Variants in GRID2 observed in about 807,000 individuals in gnomAD.
GRID2 encodes the protein glutamate receptor ionotropic, delta-2.
Under a neutral mutation model 114.8 loss-of-function variants are expected in GRID2, and 33 were observed. The observed-to-expected ratio is 0.29, with a 90% CI of 0.22 to 0.38. The LOEUF is 0.38. Among genes scored for constraint, GRID2 ranks in the 10% least tolerant of loss-of-function variants. The probability of loss-of-function intolerance (pLI) is 1.00; values close to 1 mark genes in which losing one functional copy is unlikely to be tolerated. For missense variants in GRID2, 1,184 were observed against 1,257.7 expected (o/e 0.94, Z 0.89); for synonymous variants, 505 against 449.9 (o/e 1.12, Z -1.55).
chr4:92,580,314 G>A (rs762644199), intron 1 of GRID2, among the ~76,000 whole-genome samples: 1 of 146,074 alleles, frequency 6.8e-6, no homozygotes, highest in Non-Finnish European at 1.5e-5. Context: ...CTAGTTAAAT[G>A]TACATTCATG....
chr4:92,578,457 T>G (rs933050399), intron 1 of GRID2, among the ~76,000 whole-genome samples: 4 of 151,988 alleles, frequency 2.6e-5, no homozygotes, highest in Admixed American at 6.6e-5. Flanking sequence ...CTCATCATTT[T>G]TATTTAAAAT....
At chr4:93,484,208 C>T (rs1264102191) in intron 11 of GRID2, among the ~76,000 whole-genome samples, 2 of 151,828 alleles carry the variant, frequency 1.3e-5, no homozygotes, top group African/African-American at 2.4e-5. Flanking sequence ...TAATTGCCAC[C>T]TAGGAAAAGA....
chr4:93,012,841 GAGCCAGATTAT>G (rs1397780296), intron 2 of GRID2, among the ~76,000 whole-genome samples: 1 of 151,896 alleles, frequency 6.6e-6, no homozygotes, highest in Non-Finnish European at 1.5e-5. Context: ...TATTATAGCT[GAGCCAGATTAT>G]ACATATGCAT....
chr4:92,873,528 A>G (rs1745421641), intron 2 of GRID2, among the ~76,000 whole-genome samples: 3 of 152,114 alleles, frequency 2.0e-5, no homozygotes, highest in Admixed American at 2.0e-4. Context: ...CTTGATTTTT[A>G]TGTCTAGGTT....
At chr4:93,755,874 ATC>A in intron 14 of GRID2, among the ~76,000 whole-genome samples, 1 of 152,156 alleles carries the variant, frequency 6.6e-6, no homozygotes, top group Non-Finnish European at 1.5e-5. Flanking sequence ...AGTAGTTTAA[ATC>A]TCTCTTGCTT....
intron 4 of GRID2, among the ~76,000 whole-genome samples, chr4:93,137,976 T>C (rs1735421192): frequency 7.1e-6 from 1 of 141,036 alleles, no homozygotes; most frequent in African/African-American, 2.6e-5. Flanking sequence ...GTTTTTTTTT[T>C]TTTTTTTTTT....
chr4:93,212,043 C>G lies in GRID2; in HGVS notation c.789+4586C>G, dbSNP rs186263431. ...TATAATGGATGAATTATAATTTTCC[C>G]TAGTTTCTATAAAAGAAAAAAAAAA... On this transcript the variant is annotated intron_variant, in intron 5 of 15. Transcript: ENST00000282020. Among the ~76,000 whole-genome samples, 34 of 151,612 alleles carry G rather than the reference C, an allele frequency of 2.2e-4. No homozygotes were observed. In the East Asian group the frequency reaches 6.4e-3, roughly 29 times the overall value.
chr4:92,335,425 G>C (rs1727114705), intron 1 of GRID2, among the ~76,000 whole-genome samples: 1 of 152,210 alleles, frequency 6.6e-6, no homozygotes, highest in Admixed American at 6.5e-5. Flanking sequence ...GATTTGCCCA[G>C]CATGTAATGA....
At chr4:93,778,419 C>G (rs549412983), downstream of GRID2, among the ~76,000 whole-genome samples, 1 of 104,326 alleles carries the variant, frequency 9.6e-6, no homozygotes, top group Admixed American at 1.4e-4. Flanking sequence ...TTTTTTGAGA[C>G]AGAGTCTCGC....
chr4:93,066,592 T>C (rs753334659), intron 2 of GRID2, among the ~76,000 whole-genome samples: 9 of 152,138 alleles, frequency 5.9e-5, no homozygotes, highest in Admixed American at 2.0e-4. Flanking sequence ...ATATGTACTA[T>C]GTACAAATTT....
intron 4 of GRID2, among the ~76,000 whole-genome samples, chr4:93,183,655 G>A (rs1453196186): frequency 6.6e-6 from 1 of 152,150 alleles, no homozygotes; most frequent in Non-Finnish European, 1.5e-5. Context: ...ATTCTATAAT[G>A]TGGCCTGGAA....
intron 2 of GRID2, among the ~76,000 whole-genome samples, chr4:92,747,257 A>G (rs986784972): frequency 1.3e-5 from 2 of 152,060 alleles, no homozygotes; most frequent in African/African-American, 4.8e-5. Flanking sequence ...GTAAGTTCTG[A>G]TCTTTAAAAA....
intron 1 of GRID2, among the ~76,000 whole-genome samples, chr4:92,334,043 C>A (rs1396672714): frequency 6.6e-6 from 1 of 152,182 alleles, no homozygotes; most frequent in African/African-American, 2.4e-5. Flanking sequence ...CACCAGGTAT[C>A]CTGGTTCACT....
intron 14 of GRID2, among the ~76,000 whole-genome samples, chr4:93,629,265 T>C (rs770195828): frequency 2.5e-4 from 38 of 152,190 alleles, no homozygotes; most frequent in Non-Finnish European, 5.1e-4. Flanking sequence ...TTTCCTTTGT[T>C]TGATATGCAG....
At chr4:93,567,849 A>G (rs1735581411) in intron 13 of GRID2, among the ~76,000 whole-genome samples, 1 of 152,178 alleles carries the variant, frequency 6.6e-6, no homozygotes, top group African/African-American at 2.4e-5. Flanking sequence ...AACAGTGAAA[A>G]TGCATTTGGA....
chr4:93,580,624 A>G (rs1421258286), intron 13 of GRID2, among the ~76,000 whole-genome samples: 2 of 152,196 alleles, frequency 1.3e-5, no homozygotes, highest in Non-Finnish European at 2.9e-5. Context: ...CATATTCTAA[A>G]TGAGCATCAC....
chr4:92,966,815 C>G (rs1451815169), intron 2 of GRID2, among the ~76,000 whole-genome samples: 1 of 151,830 alleles, frequency 6.6e-6, no homozygotes, highest in Non-Finnish European at 1.5e-5. Flanking sequence ...GAAAATGAAC[C>G]AATAAAGGCT....
At chr4:92,764,520 T>A (rs1323478739) in intron 2 of GRID2, among the ~76,000 whole-genome samples, 2 of 152,212 alleles carry the variant, frequency 1.3e-5, no homozygotes, top group Non-Finnish European at 2.9e-5. Flanking sequence ...ATTGTTTTTG[T>A]AAACTTTGTA....
chr4:92,868,779 T>C (rs1745078669), intron 2 of GRID2, among the ~76,000 whole-genome samples: 2 of 152,216 alleles, frequency 1.3e-5, no homozygotes, highest in East Asian at 1.9e-4. Flanking sequence ...ATTAATTTCA[T>C]GAACTAACTT....
Sources: gnomAD v4.1 joint callset for allele counts (sites outside exome capture counted in the v4.1 genomes callset) on GRCh38, gnomAD v4.1.1 for gene constraint, MANE v1.5 for transcripts, NCBI Gene and HGNC (gene_info 2026-07-23, HGNC 2026-07-21) for gene names.